CDH23: variants seen among roughly 807,000 people sequenced by gnomAD.
The protein encoded by CDH23 is cadherin related 23, also known as cadherin-23.
CDH23 carries 189 observed loss-of-function variants against 317.1 expected under a neutral mutation model. The ratio of observed to expected loss-of-function variants is 0.60; its 90% CI spans 0.53 to 0.67. CDH23 has a LOEUF of 0.67. Ranked by LOEUF, CDH23 falls within the 30% of genes least tolerant of loss-of-function variation. CDH23 has a pLI of 0.00. For missense variants in CDH23, 4,401 were observed against 4,592.4 expected, an observed-to-expected ratio of 0.96 and a Z score of 1.20; for synonymous variants, 1,839 against 1,876.8, an observed-to-expected ratio of 0.98 and a Z score of 0.52.
Position 71,815,140 on chromosome 10 carries a change from C to T in CDH23, c.9927C>T (p.Gly3309=), listed in dbSNP as rs751889919. 1.9e-6 allele frequency: 3 copies of T among 1,611,132 alleles called. No individual in the cohort carries two copies. Among genetic ancestry groups the T allele is most frequent in the East Asian group, 4.5e-5 (2 of 44,816 alleles). ...CCGAGGAAGACCAGAAGGGCCTGGG[C>T]CGCTCGCTGGAGACGCTGACCGCTG... is the stretch of plus-strand genomic sequence containing the variant. ...SLPEEDQKGL[G]RSLETLTAAE... The change falls in exon 70 of 70, where the codon GGC becomes GGT. Residue 3309 remains glycine (G), a synonymous_variant. Coordinates refer to ENST00000224721, the MANE Select transcript of CDH23 (RefSeq NM_022124.6).
chr10:71,761,718 T>C (rs1840390983), intron 38 of CDH23: 4 of 1,614,008 alleles, frequency 2.5e-6, no homozygotes, highest in Non-Finnish European at 2.5e-6. Flanking sequence ...CGCATGGTGA[T>C]GGAGAAGTTG....
At chr10:71,494,784 G>T (rs1852865067) in intron 3 of CDH23, among the ~76,000 whole-genome samples, 3 of 152,142 alleles carry the variant, frequency 2.0e-5, no homozygotes. Context: ...ACCCTGTCTA[G>T]CTGGGTCCTG....
At chr10:71,487,414 C>G (rs1469479870) in intron 3 of CDH23, among the ~76,000 whole-genome samples, 5 of 152,106 alleles carry the variant, frequency 3.3e-5, no homozygotes, top group Non-Finnish European at 7.4e-5. Context: ...GTCAGCTGTA[C>G]ATGCACATAC....
intron 6 of CDH23, among the ~76,000 whole-genome samples, chr10:71,536,608 T>C (rs905736761): frequency 2.0e-5 from 3 of 152,136 alleles, no homozygotes; most frequent in African/African-American, 7.2e-5. Context: ...GGAATGGGGC[T>C]GGAGACTCAC....
intron 8 of CDH23, among the ~76,000 whole-genome samples, chr10:71,571,792 G>T (rs1857830758): frequency 1.3e-5 from 2 of 152,382 alleles, no homozygotes; most frequent in Middle Eastern, 3.4e-3. Context: ...AGAACTCAGT[G>T]TGCTTAAAGG....
In CDH23 at chr10:71,704,938, C is replaced by T; in HGVS notation, c.2761C>T (p.Leu921=). ...GGTGGCCATCGACCTCGATGAGGGC[C>T]TGAACGGCCTGGTGTCCTACCGCAT... The part of the protein sequence containing the change: ...QVVAIDLDEG[L]NGLVSYRMPV... The change falls in exon 25 of 70, where the codon CTG becomes TTG. Residue 921 remains leucine, a synonymous_variant. Coordinates refer to ENST00000224721, the MANE Select transcript of CDH23 (RefSeq NM_022124.6). The T allele has an allele frequency of 6.2e-7, 1 of 1,612,940 alleles. No homozygotes were observed. The highest frequency in any genetic ancestry group is 8.5e-7 in the Non-Finnish European group (1 of 1,179,862).
At chr10:71,469,488 T>C (rs1194200478) in intron 3 of CDH23, among the ~76,000 whole-genome samples, 4 of 152,254 alleles carry the variant, frequency 2.6e-5, no homozygotes, top group African/African-American at 9.6e-5. Flanking sequence ...CTTTTTATCG[T>C]TGAGTTATAT....
At chr10:71,398,430 T>A (rs1489336585) in intron 1 of CDH23, among the ~76,000 whole-genome samples, 2 of 67,188 alleles carry the variant, frequency 3.0e-5, no homozygotes, top group Non-Finnish European at 5.2e-5. Flanking sequence ...GACACAGGAG[T>A]GTGTGTGTGT....
intron 3 of CDH23, among the ~76,000 whole-genome samples, chr10:71,490,456 C>T (rs1355211899): frequency 1.3e-5 from 2 of 152,264 alleles, no homozygotes; most frequent in East Asian, 1.9e-4. Context: ...CCTCCGTAAA[C>T]GTTAATTGAG....
chr10:71,695,611 C>A, intron 22 of CDH23, 86 bp downstream of exon 22: 2 of 913,468 alleles, frequency 2.2e-6, no homozygotes, highest in South Asian at 1.4e-5. Context: ...GGGGCCTTCC[C>A]CTATGGGGCT....
At chr10:71,740,653 C>A (rs1839708705) in intron 36 of CDH23, among the ~76,000 whole-genome samples, 169 bp from the exon 37 acceptor site, 1 of 151,942 alleles carries the variant, frequency 6.6e-6, no homozygotes, top group Admixed American at 6.5e-5. Flanking sequence ...GGGGAGAGCC[C>A]AGGGCTGGCC....
chr10:71,810,703 C>A, intron 62 of CDH23, 134 bp downstream of exon 62: 1 of 790,360 alleles, frequency 1.3e-6, no homozygotes, highest in Non-Finnish European at 2.1e-6. Flanking sequence ...ATCTCCCAGA[C>A]TGGGGCAGGG....
At chr10:71,725,221 C>T in intron 29 of CDH23, 151 bp from the exon 30 acceptor site, 1 of 1,451,070 alleles carries the variant, frequency 6.9e-7, no homozygotes, top group Non-Finnish European at 9.7e-7. Context: ...CCTCCAGCTT[C>T]CTCTCCACTG....
chr10:71,429,096 C>T (rs1223943383), intron 1 of CDH23, among the ~76,000 whole-genome samples: 1 of 152,180 alleles, frequency 6.6e-6, no homozygotes, highest in Non-Finnish European at 1.5e-5. Flanking sequence ...TCCAATTTAT[C>T]GATTTTTTCC....
chr10:71,538,060 C>G (rs1031783380), intron 6 of CDH23, among the ~76,000 whole-genome samples: 2 of 152,134 alleles, frequency 1.3e-5, no homozygotes, highest in African/African-American at 4.8e-5. Context: ...AGATGGGAGT[C>G]ACTGAGATCC....
chr10:71,607,731 T>C (rs1419194222), intron 9 of CDH23, among the ~76,000 whole-genome samples: 3 of 152,180 alleles, frequency 2.0e-5, no homozygotes, highest in African/African-American at 4.8e-5. Flanking sequence ...GGTGAAACCC[T>C]GTCTCTACAA....
chr10:71,515,392 T>TCACACA (rs1297100192), intron 6 of CDH23, among the ~76,000 whole-genome samples: 5 of 31,292 alleles, frequency 1.6e-4, no homozygotes, highest in African/African-American at 6.6e-4. Flanking sequence ...TCTCTCTCTC[T>TCACACA]CTCACACACA....
intron 6 of CDH23, among the ~76,000 whole-genome samples, chr10:71,542,639 G>A (rs565018445): frequency 5.9e-5 from 9 of 152,332 alleles, no homozygotes; most frequent in East Asian, 1.9e-4. Flanking sequence ...GCAGGAGGCC[G>A]AGAAGATAAG....
At chr10:71,732,796 T>C in intron 32 of CDH23, 1 of 846,318 alleles carries the variant, frequency 1.2e-6, no homozygotes. Context: ...GTCATCGAAG[T>C]GTGTGTGGGG....
Sources: gnomAD v4.1 joint callset for allele counts (sites outside exome capture counted in the v4.1 genomes callset) on GRCh38, gnomAD v4.1.1 for gene constraint, MANE v1.5 for transcripts, NCBI Gene and HGNC (gene_info 2026-07-23, HGNC 2026-07-21) for gene names.